PPFIA2: variants seen among roughly 807,000 people sequenced by gnomAD.
The protein encoded by PPFIA2 is PPFI scaffold protein A2.
Under a neutral mutation model 175.5 loss-of-function variants are expected in PPFIA2, and 46 were observed. The ratio of observed to expected loss-of-function variants is 0.26; its 90% confidence interval spans 0.21 to 0.34. The LOEUF (loss-of-function observed/expected upper bound fraction) is 0.34. PPFIA2 is among the 10% of genes least tolerant of loss of function. The pLI, the probability that PPFIA2 is intolerant of heterozygous loss-of-function variation, is 1.00. For missense variants in PPFIA2, 1,179 were observed against 1,506.1 expected (o/e 0.78, Z 3.60); for synonymous variants, 568 against 511.4 (o/e 1.11, Z -1.49).
chr12:81,486,713 C>T (rs1458204138), intron 4 of PPFIA2, among the ~76,000 whole-genome samples: 2 of 151,972 alleles, frequency 1.3e-5, no homozygotes, highest in East Asian at 3.9e-4. Context: ...ACATCAGCCA[C>T]ACAACTTCAG....
At chr12:81,629,197 A>T (rs997404931) in intron 4 of PPFIA2, among the ~76,000 whole-genome samples, 2 of 152,122 alleles carry the variant, frequency 1.3e-5, no homozygotes, top group East Asian at 3.9e-4. Flanking sequence ...TTTTAATTGT[A>T]TAATATAATC....
intron 4 of PPFIA2, among the ~76,000 whole-genome samples, chr12:81,567,859 C>T (rs763818143): frequency 1.3e-5 from 2 of 152,126 alleles, no homozygotes; most frequent in East Asian, 1.9e-4. Flanking sequence ...TATTGAACCT[C>T]GGTGGAAAAT....
intron 24 of PPFIA2, among the ~76,000 whole-genome samples, chr12:81,294,067 A>G (rs1257916702): frequency 1.3e-5 from 2 of 152,142 alleles, no homozygotes; most frequent in African/African-American, 4.8e-5. Flanking sequence ...ACATGTCCTC[A>G]CTTGTAAGTG....
chr12:81,579,506 C>A (rs2074086883), intron 4 of PPFIA2, among the ~76,000 whole-genome samples: 1 of 151,384 alleles, frequency 6.6e-6, no homozygotes, highest in Non-Finnish European at 1.5e-5. Flanking sequence ...AAACATATGC[C>A]CTAAAGGAGG....
chr12:81,375,819 T>C lies in PPFIA2; in HGVS notation c.1108A>G (p.Asn370Asp). The change falls in exon 10 of 33, where the codon AAT becomes GAT. Residue 370 changes from asparagine (N) to aspartate (D), a missense_variant. Physicochemically the swap from Asn to Asp is conservative, Grantham distance 23. Coordinates refer to ENST00000549396, the MANE Select transcript of PPFIA2 (RefSeq NM_003625.5). ...ACCTGCCGCAGGATAGCTTCTTTAT[T>C]TGCTAACTCATTTTCTAGTTTATCA... ...MNDKLENELANKEAILRQMEE... is the reference protein window; with the variant it reads ...MNDKLENELADKEAILRQMEE... 6.2e-7 allele frequency: 1 copy of C among 1,609,620 alleles called. No homozygotes were observed. Among genetic ancestry groups the C allele is most frequent in the Non-Finnish European group, 8.5e-7 (1 of 1,176,274 alleles).
At chr12:81,672,811 T>G (rs1463672706) in intron 4 of PPFIA2, among the ~76,000 whole-genome samples, 1 of 151,982 alleles carries the variant, frequency 6.6e-6, no homozygotes, top group Non-Finnish European at 1.5e-5. Flanking sequence ...TTTTGTAACA[T>G]ACAATGAAAC....
intron 4 of PPFIA2, chr12:81,597,967 C>T (rs1392812934): frequency 2.0e-6 from 3 of 1,534,954 alleles, no homozygotes; most frequent in Middle Eastern, 1.7e-4. Flanking sequence ...AAGTGTAAAA[C>T]CGGGTCCCAT....
intron 3 of PPFIA2, among the ~76,000 whole-genome samples, chr12:81,681,834 T>C (rs1057314782): frequency 6.6e-6 from 1 of 152,070 alleles, no homozygotes; most frequent in East Asian, 1.9e-4. Flanking sequence ...ATAAAATAAT[T>C]TGGCTATCGA....
At position 81,705,470 on chromosome 12, in the gene PPFIA2, A is replaced by G. The variant is rs575046832; in HGVS notation, c.250-28626T>C. On this transcript the variant is annotated intron_variant, in intron 3 of 32. Transcript: ENST00000549396. ...AGACTAGGTCTCAAAAAAAAAAAAA[A>G]AAAAGAAAAGAAAAGAAAAGGAAGA... 4.2e-4 allele frequency among the ~76,000 whole-genome samples: 63 copies of G among 150,534 alleles called. 1 individual carries two copies. Among genetic ancestry groups the G allele is most frequent in the South Asian group, 8.3e-4 (4 of 4,812 alleles).
intron 18 of PPFIA2, among the ~76,000 whole-genome samples, chr12:81,346,556 A>C (rs1480990151): frequency 1.3e-5 from 2 of 150,376 alleles, no homozygotes; most frequent in Non-Finnish European, 3.0e-5. Context: ...GAATGGGGAA[A>C]TTTGACTTTT....
At chr12:81,294,208 G>A (rs891678608) in intron 24 of PPFIA2, among the ~76,000 whole-genome samples, 4 of 152,118 alleles carry the variant, frequency 2.6e-5, no homozygotes, top group African/African-American at 9.7e-5. Flanking sequence ...CTATTTGGGT[G>A]ATGGGCACAC....
chr12:81,658,322 T>G (rs1251414820), intron 4 of PPFIA2, among the ~76,000 whole-genome samples: 2 of 150,702 alleles, frequency 1.3e-5, no homozygotes, highest in Non-Finnish European at 3.0e-5. Context: ...GCTAACCAAT[T>G]AGAGTGCAAA....
chr12:81,667,556 G>C (rs1012967639), intron 4 of PPFIA2, among the ~76,000 whole-genome samples: 2 of 152,080 alleles, frequency 1.3e-5, no homozygotes, highest in Non-Finnish European at 2.9e-5. Context: ...AATGAAGTTA[G>C]TTAATGAAAT....
intron 7 of PPFIA2, among the ~76,000 whole-genome samples, chr12:81,406,849 T>C (rs1245476681): frequency 2.0e-5 from 3 of 152,098 alleles, no homozygotes; most frequent in Non-Finnish European, 2.9e-5. Flanking sequence ...AACTTACATG[T>C]GGAAATTACA....
At chr12:81,261,717 G>A (rs1016042420) in intron 32 of PPFIA2, among the ~76,000 whole-genome samples, 1 of 152,150 alleles carries the variant, frequency 6.6e-6, no homozygotes, top group Non-Finnish European at 1.5e-5. Flanking sequence ...TAATAATACA[G>A]TGATAGGCCT....
chr12:81,648,831 A>C (rs2066570266), intron 4 of PPFIA2, among the ~76,000 whole-genome samples: 1 of 152,078 alleles, frequency 6.6e-6, no homozygotes, highest in South Asian at 2.1e-4. Context: ...AAACAGACCA[A>C]AACATATATG....
chr12:81,439,443 C>T (rs1213524740), intron 7 of PPFIA2, among the ~76,000 whole-genome samples: 3 of 151,774 alleles, frequency 2.0e-5, no homozygotes, highest in Admixed American at 6.6e-5. Flanking sequence ...GTAAAATCTT[C>T]CGAAGATAAA....
intron 4 of PPFIA2, among the ~76,000 whole-genome samples, chr12:81,469,835 G>C (rs1392094345): frequency 2.0e-5 from 3 of 152,186 alleles, no homozygotes; most frequent in Non-Finnish European, 2.9e-5. Flanking sequence ...TTTAGATGAA[G>C]TCATGAGTGT....
intron 22 of PPFIA2, among the ~76,000 whole-genome samples, chr12:81,315,759 C>A (rs1360532429): frequency 6.6e-6 from 1 of 151,610 alleles, no homozygotes; most frequent in Non-Finnish European, 1.5e-5. Context: ...ACATCAAGAA[C>A]TGCTTAAAAT....
Sources: gnomAD v4.1 joint callset for allele counts (sites outside exome capture counted in the v4.1 genomes callset) on GRCh38, gnomAD v4.1.1 for gene constraint, MANE v1.5 for transcripts, NCBI Gene and HGNC (gene_info 2026-07-23, HGNC 2026-07-21) for gene names.